Variants in GRHL2 observed in about 807,000 individuals in gnomAD.
GRHL2 encodes grainyhead like transcription factor 2, also known as grainyhead-like protein 2 homolog.
Under a neutral mutation model 83.8 loss-of-function variants are expected in GRHL2, and 21 were observed. The ratio of observed to expected loss-of-function variants is 0.25; its 90% CI spans 0.18 to 0.36. The LOEUF (loss-of-function observed/expected upper bound fraction) is 0.36. Among genes scored for constraint, GRHL2 ranks in the 10% least tolerant of loss-of-function variants. GRHL2 has a pLI of 1.00. For synonymous variants in GRHL2, 280 were observed against 278.9 expected (o/e 1.00, Z -0.04); for missense variants, 623 against 781.8 (o/e 0.80, Z 2.42).
At chr8:101,502,766 TCTCCTCTTC>T (rs936414774) in intron 1 of GRHL2, among the ~76,000 whole-genome samples, 5 of 151,774 alleles carry the variant, frequency 3.3e-5, no homozygotes, top group African/African-American at 1.2e-4. Context: ...TCCTATTCTT[TCTCCTCTTC>T]CTCCTCTTCC....
intron 8 of GRHL2, among the ~76,000 whole-genome samples, chr8:101,601,833 G>A (rs1586135036): frequency 6.6e-6 from 1 of 152,356 alleles, no homozygotes; most frequent in African/African-American, 2.4e-5. Flanking sequence ...GGATACAAGT[G>A]CAGAACGTGT....
At chr8:101,543,855 A>C (rs371643158) in intron 2 of GRHL2, 2 of 225,292 alleles carry the variant, frequency 8.9e-6, no homozygotes, top group African/African-American at 4.7e-5. Flanking sequence ...AAAGCGGTTT[A>C]ATTGGACTTA....
intron 2 of GRHL2, among the ~76,000 whole-genome samples, chr8:101,546,755 C>A (rs1274196167): frequency 6.6e-6 from 1 of 152,122 alleles, no homozygotes; most frequent in Non-Finnish European, 1.5e-5. Flanking sequence ...TTATTTCCCA[C>A]AGATGCAGAG....
intron 4 of GRHL2, among the ~76,000 whole-genome samples, chr8:101,566,401 C>A: frequency 6.6e-6 from 1 of 151,456 alleles, no homozygotes; most frequent in East Asian, 1.9e-4. Flanking sequence ...CTTTGCAGCA[C>A]CATTTGACAC....
downstream of GRHL2, among the ~76,000 whole-genome samples, chr8:101,671,582 C>G (rs1185525976): frequency 6.6e-6 from 1 of 152,212 alleles, no homozygotes; most frequent in Non-Finnish European, 1.5e-5. Context: ...GACCTGCCTG[C>G]CTGCCTCTGT....
rs1190032158 is a variant in GRHL2, at chr8:101,622,486, G to A, written c.1257+2789G>A. On this transcript the variant is annotated intron_variant, in intron 9 of 15. Coordinates refer to ENST00000646743, the MANE Select transcript of GRHL2 (RefSeq NM_024915.4). ...AAATGATGGTGGAGACAGTGTGACA[G>A]TATATTCTGACAAGGTATAGACATC... is the stretch of plus-strand genomic sequence containing the variant. Among the ~76,000 whole-genome samples the A allele has an allele frequency of 4.6e-5, 7 of 152,110 alleles. No individual in the cohort carries two copies. In the East Asian group the frequency reaches 1.3e-3, roughly 29 times the overall value.
intron 1 of GRHL2, among the ~76,000 whole-genome samples, chr8:101,526,875 A>T (rs1810817982): frequency 6.6e-6 from 1 of 152,182 alleles, no homozygotes; most frequent in South Asian, 2.1e-4. Flanking sequence ...GAGGTTAATA[A>T]AATTAATATT....
chr8:101,544,375 G>A lies in GRHL2; in HGVS notation c.216+939G>A, dbSNP rs1525700. 5.7e-4 allele frequency among the ~76,000 whole-genome samples: 86 copies of A among 152,168 alleles called. No individual in the cohort carries two copies. The South Asian group carries it at 9.8e-3, about 17-fold the overall frequency. The stretch of plus-strand genomic sequence containing the variant: ...AGTAGTAAATTTTTATTTTGAAAAA[G>A]TCTTAAGGCAAAATAAATGTAATGC... On this transcript the variant is annotated intron_variant, in intron 2 of 15. Coordinates refer to ENST00000646743, the MANE Select transcript of GRHL2 (RefSeq NM_024915.4).
intron 8 of GRHL2, among the ~76,000 whole-genome samples, chr8:101,616,129 TTTTC>T (rs1045461500): frequency 1.1e-4 from 17 of 150,492 alleles, no homozygotes; most frequent in African/African-American, 2.7e-4. Context: ...CTTTCTTTCT[TTTTC>T]TTTCTTTCTT....
At chr8:101,631,507 A>C in intron 9 of GRHL2, 130 bp from the exon 10 acceptor site, 3 of 754,276 alleles carry the variant, frequency 4.0e-6, no homozygotes, top group East Asian at 2.8e-5. Flanking sequence ...TGCCAGAGGA[A>C]TGGAAATGGG....
chr8:101,674,202 G>A (rs201040128), downstream of GRHL2, among the ~76,000 whole-genome samples: 1 of 151,928 alleles, frequency 6.6e-6, no homozygotes, highest in Non-Finnish European at 1.5e-5. Context: ...AGAAATAACT[G>A]AAATCAGAAC....
At chr8:101,638,446 G>A (rs534641917) in intron 12 of GRHL2, among the ~76,000 whole-genome samples, 3 of 152,288 alleles carry the variant, frequency 2.0e-5, no homozygotes, top group South Asian at 2.1e-4. Context: ...CTTAAGTAAC[G>A]TGCTACTGGA....
chr8:101,670,149 A>AATCT (rs1563637894), downstream of GRHL2, among the ~76,000 whole-genome samples: 1 of 152,158 alleles, frequency 6.6e-6, no homozygotes, highest in Non-Finnish European at 1.5e-5. Flanking sequence ...GTTTTCTCAC[A>AATCT]ATCTCTTGCC....
chr8:101,675,215 T>C, the GRHL2 span, among the ~76,000 whole-genome samples: 1 of 152,094 alleles, frequency 6.6e-6, no homozygotes, highest in African/African-American at 2.4e-5. Context: ...CCAGGGCAAT[T>C]AGGCAGAAGA....
intron 13 of GRHL2, among the ~76,000 whole-genome samples, chr8:101,648,265 T>TG (rs1813553215): frequency 6.6e-6 from 1 of 152,214 alleles, no homozygotes; most frequent in African/African-American, 2.4e-5. Context: ...TGTGGGACCC[T>TG]GGGGGAGTGT....
chr8:101,501,125 G>T (rs1212641693), intron 1 of GRHL2, among the ~76,000 whole-genome samples: 2 of 152,326 alleles, frequency 1.3e-5, no homozygotes, highest in East Asian at 3.9e-4. Flanking sequence ...TGTATATTTT[G>T]AAAATAAGTC....
At chr8:101,589,479 A>G (rs748390183) in intron 7 of GRHL2, among the ~76,000 whole-genome samples, 1 of 152,238 alleles carries the variant, frequency 6.6e-6, no homozygotes, top group Admixed American at 6.5e-5. Flanking sequence ...CAAGACCAAC[A>G]TTCTTAAAAA....
chr8:101,536,885 G>C (rs1034542646), intron 1 of GRHL2, among the ~76,000 whole-genome samples: 3 of 152,064 alleles, frequency 2.0e-5, no homozygotes, highest in Non-Finnish European at 4.4e-5. Context: ...ACTAAGCCTA[G>C]TACCCAATAG....
At chr8:101,519,612 T>C (rs2130039894) in intron 1 of GRHL2, among the ~76,000 whole-genome samples, 1 of 151,548 alleles carries the variant, frequency 6.6e-6, no homozygotes, top group East Asian at 1.9e-4. Flanking sequence ...AACAATTGTC[T>C]GGAATTTATT....
Sources: gnomAD v4.1 joint callset for allele counts (sites outside exome capture counted in the v4.1 genomes callset) on GRCh38, gnomAD v4.1.1 for gene constraint, MANE v1.5 for transcripts, NCBI Gene and HGNC (gene_info 2026-07-23, HGNC 2026-07-21) for gene names.